LRRC9: variants seen among roughly 807,000 people sequenced by gnomAD.
The protein encoded by LRRC9 is leucine-rich repeat-containing protein 9.
A neutral mutation model predicts 63.2 loss-of-function variants in LRRC9; 122 were observed. The ratio of observed to expected loss-of-function variants is 1.93; its 90% CI spans 1.67 to 2.24. LRRC9 has a LOEUF of 2.24. Ranked by LOEUF, LRRC9 falls within the 30% of genes most tolerant of loss-of-function variation. The pLI is 0.00. For synonymous variants in LRRC9, 366 were observed against 213.1 expected, an observed-to-expected ratio of 1.72 and a Z score of -6.25; for missense variants, 1,071 against 627.7, an observed-to-expected ratio of 1.71 and a Z score of -7.55.
intron 17 of LRRC9, among the ~76,000 whole-genome samples, chr14:59,993,812 G>A (rs1156501958): frequency 1.3e-5 from 2 of 152,174 alleles, no homozygotes; most frequent in Non-Finnish European, 2.9e-5. Context: ...GATTCATAAA[G>A]CAAGTCCTTA....
At chr14:59,928,151 C>T in intron 2 of LRRC9, 117 bp from the exon 3 acceptor site, 1 of 563,370 alleles carries the variant, frequency 1.8e-6, no homozygotes, top group Non-Finnish European at 3.1e-6. Flanking sequence ...AACTTTCTCT[C>T]TTGTGAGATT....
At chr14:60,046,515 T>A (rs1209310228) in intron 29 of LRRC9, among the ~76,000 whole-genome samples, 2 of 152,190 alleles carry the variant, frequency 1.3e-5, no homozygotes, top group East Asian at 3.9e-4. Flanking sequence ...CCAAGCACCA[T>A]TTATTAAATA....
chr14:59,943,190 A>G (rs376488189), intron 7 of LRRC9, among the ~76,000 whole-genome samples: 38 of 151,964 alleles, frequency 2.5e-4, no homozygotes, highest in African/African-American at 8.9e-4. Flanking sequence ...CCATTTGTCT[A>G]TTTATGTTTT....
At position 60,051,540 on chromosome 14, in the gene LRRC9, T is replaced by C. The variant is rs1289525820; in HGVS notation, c.3991-1525T>C. ...ACTCATCCTTCCCCCAGGAACTGCC[T>C]CTGGTTTCAGGCAGACTCAGCCTAT... On this transcript the variant is annotated intron_variant, in intron 29 of 31. Coordinates refer to ENST00000445360, the Ensembl canonical transcript of LRRC9. The surrounding 1 kb of genome is among the most constrained non-coding windows in gnomAD (Gnocchi z 4.7). Among the ~76,000 whole-genome samples the C allele has an allele frequency of 6.6e-6, 1 of 152,176 alleles. No individual in the cohort carries two copies. Among genetic ancestry groups the C allele is most frequent in the East Asian group, 1.9e-4 (1 of 5,178 alleles).
intron 18 of LRRC9, 134 bp from the exon 19 acceptor site, chr14:59,998,967 A>G: frequency 2.2e-6 from 1 of 453,418 alleles, no homozygotes; most frequent in Non-Finnish European, 3.9e-6. Context: ...TAAATAATTA[A>G]GCTTTTTTTA....
At chr14:59,951,858 C>G (rs1440600315) in intron 8 of LRRC9, among the ~76,000 whole-genome samples, 3 of 152,190 alleles carry the variant, frequency 2.0e-5, no homozygotes, top group Non-Finnish European at 4.4e-5. Context: ...TCTGCCCGTT[C>G]TCAGATCTCC....
At chr14:59,977,316 T>A in exon 14 of LRRC9, 1 of 698,824 alleles carries the variant, frequency 1.4e-6, no homozygotes, top group South Asian at 1.5e-5. Context: ...CAATGGTTAA[T>A]TCAGTGTTCA....
At chr14:60,034,164 C>T (rs775227981) in intron 29 of LRRC9, among the ~76,000 whole-genome samples, 2 of 151,284 alleles carry the variant, frequency 1.3e-5, no homozygotes, top group South Asian at 2.1e-4. Flanking sequence ...ACTACAGACG[C>T]GTGCCTCCAT....
At chr14:59,985,277 A>G (rs572365120) in intron 17 of LRRC9, 53 bp downstream of exon 17, 2 of 569,806 alleles carry the variant, frequency 3.5e-6, no homozygotes, top group Admixed American at 2.6e-5. Flanking sequence ...AAGCAGAAGT[A>G]GAATGGTGGT....
intron 15 of LRRC9, among the ~76,000 whole-genome samples, chr14:59,981,636 G>A (rs1006058639): frequency 1.1e-4 from 17 of 152,082 alleles, no homozygotes; most frequent in Non-Finnish European, 5.9e-5. Flanking sequence ...TCTTCTGCCA[G>A]TTTTAAGAAA....
At chr14:59,974,991 TTTG>T (rs1460539280) in intron 13 of LRRC9, among the ~76,000 whole-genome samples, 1 of 146,590 alleles carries the variant, frequency 6.8e-6, no homozygotes, top group Non-Finnish European at 1.5e-5. Flanking sequence ...ACAGTCTGCT[TTTG>T]TTTATTATGT....
chr14:59,928,261 A>G lies in LRRC9; in HGVS notation c.49-7A>G, dbSNP rs1482565496. On this transcript the variant is annotated splice_polypyrimidine_tract_variant and splice_region_variant and intron_variant, in intron 2 of 31. Coordinates refer to ENST00000445360, the Ensembl canonical transcript of LRRC9. ...GGTAATGACCAAATTTCTTTCCTTT[A>G]AAACAGTGTTTGTGCAATGGCTTAT... is the stretch of plus-strand genomic sequence containing the variant. 1 of 577,822 alleles carries G rather than the reference A, an allele frequency of 1.7e-6. No individual in the cohort carries two copies. 35.8% of individuals were successfully genotyped at this position (577,822 alleles called of 1,614,324 possible).
rs1208269553 is a variant in LRRC9, at chr14:60,053,176, C to T, written c.4102C>T (p.Leu1368Phe). 2.9e-6 allele frequency: 2 copies of T among 699,822 alleles called. No individual in the cohort carries two copies. The highest frequency in any genetic ancestry group is 5.2e-6 in the Non-Finnish European group (2 of 383,454). 43.4% of individuals were successfully genotyped at this position (699,822 alleles called of 1,614,324 possible). The change falls in exon 30 of 32, where the codon CTC (leucine) becomes TTC (phenylalanine). Residue 1368 changes from leucine (L) to phenylalanine (F), a missense_variant. Coordinates refer to ENST00000445360, the Ensembl canonical transcript of LRRC9. This position sits in a 1 kb window ranked among gnomAD's most constrained non-coding sequence, Gnocchi z 4.8. ...TGATAGGGCAAAAGCTGAATTTCACCTCGCTGAACTACAAGCAAAGAAAAA... is the reference window on the plus strand; with the variant it reads ...TGATAGGGCAAAAGCTGAATTTCACTTCGCTGAACTACAAGCAAAGAAAAA...
intron 10 of LRRC9, among the ~76,000 whole-genome samples, chr14:59,965,655 G>A (rs1030649817): frequency 1.3e-5 from 2 of 151,926 alleles, no homozygotes; most frequent in Non-Finnish European, 2.9e-5. Context: ...AGGCCGAGGT[G>A]GGCGGATCAC....
chr14:60,021,681 G>C (rs1779203204), intron 26 of LRRC9, among the ~76,000 whole-genome samples: 1 of 151,790 alleles, frequency 6.6e-6, no homozygotes, highest in African/African-American at 2.4e-5. Context: ...TAGGAGTGAG[G>C]TCTAAATCTA....
At chr14:60,022,025 G>C (rs1303310664) in intron 26 of LRRC9, among the ~76,000 whole-genome samples, 1 of 151,848 alleles carries the variant, frequency 6.6e-6, no homozygotes, top group East Asian at 1.9e-4. Context: ...GAGTGGGGGG[G>C]ATGTCTTCTG....
chr14:60,038,976 A>G (rs1566899094), intron 29 of LRRC9, among the ~76,000 whole-genome samples: 1 of 152,164 alleles, frequency 6.6e-6, no homozygotes, highest in East Asian at 1.9e-4. Context: ...TTTAGCATGA[A>G]GGGCTGAATT....
chr14:60,039,785 T>C (rs1364472496), intron 29 of LRRC9, among the ~76,000 whole-genome samples: 1 of 152,184 alleles, frequency 6.6e-6, no homozygotes, highest in Non-Finnish European at 1.5e-5. Context: ...CTTATCTTAG[T>C]TATTTCTTGC....
intron 23 of LRRC9, among the ~76,000 whole-genome samples, chr14:60,014,795 TTA>T (rs1386548563): frequency 1.5e-4 from 23 of 152,274 alleles, no homozygotes; most frequent in African/African-American, 5.3e-4. Flanking sequence ...GTTTCTTAGT[TTA>T]TGTCTTTTGC....
Sources: allele counts gnomAD v4.1 joint callset (sites outside exome capture counted in the v4.1 genomes callset), GRCh38; gene constraint gnomAD v4.1.1; non-coding constraint Gnocchi (gnomAD v3.1); transcripts MANE v1.5; gene names NCBI Gene and HGNC (gene_info 2026-07-23, HGNC 2026-07-21).